The following NUBP1 variants were observed in gnomAD, a reference collection of about 807,000 sequenced individuals.
NUBP1 encodes cytosolic Fe-S cluster assembly factor NUBP1.
A neutral mutation model predicts 41.8 loss-of-function variants in NUBP1; 46 were observed. The observed-to-expected ratio is 1.10, with a 90% CI of 0.87 to 1.41. The LOEUF (loss-of-function observed/expected upper bound fraction) is 1.41. Ranked by LOEUF, NUBP1 falls within the 40% of genes most tolerant of loss-of-function variation. The pLI, the probability that NUBP1 is intolerant of heterozygous loss-of-function variation, is 0.00. For synonymous variants in NUBP1, 189 were observed against 154.6 expected, an observed-to-expected ratio of 1.22 and a Z score of -1.65; for missense variants, 494 against 414.0, an observed-to-expected ratio of 1.19 and a Z score of -1.68.
rs954229773 is a variant in NUBP1 at position 10,766,843 on chromosome 16, C to A, written c.821-1106C>A. ...AAACGAAAAGGATGAAGTAAAGTTA[C>A]AAAGTCATTTACGGCATACGTCCTA... is the stretch of plus-strand genomic sequence containing the variant. On this transcript the variant is annotated intron_variant, in intron 9 of 10. Coordinates refer to ENST00000283027, the MANE Select transcript of NUBP1 (RefSeq NM_002484.4). This position sits in a 1 kb window ranked among gnomAD's most constrained non-coding sequence, Gnocchi z 4.8. 7 of 397,954 alleles carry A rather than the reference C, an allele frequency of 1.8e-5. No homozygotes were observed. The highest frequency in any genetic ancestry group is 4.1e-5 in the African/African-American group (2 of 48,610). 24.7% of individuals were successfully genotyped at this position (397,954 alleles called of 1,614,324 possible).
chr16:10,756,833 C>T, intron 6 of NUBP1, 53 bp downstream of exon 6: 1 of 1,461,538 alleles, frequency 6.8e-7, no homozygotes, highest in South Asian at 1.3e-5. Context: ...AGCGTTGTGG[C>T]TCTTGGCTTT....
At position 10,743,971 on chromosome 16, in the gene NUBP1, G is replaced by C; in HGVS notation, c.30G>C (p.Gly10=). The C allele has an allele frequency of 6.3e-7, 1 of 1,584,748 alleles. No homozygotes were observed. The highest frequency in any genetic ancestry group is 8.5e-7 in the Non-Finnish European group (1 of 1,170,534). MEEVPHDCP[G]ADSAQAGRGA... ...CTTGTCTCTGCGCAGACTGTCCAGG[G>C]GCCGACAGCGCCCAGGCGGGCAGAG... is the stretch of plus-strand genomic sequence containing the variant. Residue 10 remains glycine, a synonymous_variant, in exon 2 of 11, where the codon GGG becomes GGC. Transcript: ENST00000283027.
At chr16:10,747,324 G>A (rs772969893) in intron 3 of NUBP1, 48 bp downstream of exon 3, 21 of 1,601,850 alleles carry the variant, frequency 1.3e-5, no homozygotes, top group Admixed American at 5.0e-5. Context: ...TCTGAGGGTC[G>A]TGATGGCTAC....
intron 2 of NUBP1, among the ~76,000 whole-genome samples, chr16:10,746,167 G>T (rs1027221754): frequency 1.3e-5 from 2 of 152,200 alleles, no homozygotes; most frequent in African/African-American, 4.8e-5. Context: ...AGTGTTGGGA[G>T]GTTTCCAGGC....
In NUBP1 at chr16:10,764,052, AGGAGCATCTCAGCCCACT is replaced by A. The variant is rs1355857188; in HGVS notation, c.820+2202_820+2219del. ...AGCCCATGGGAGCATCCCAGCCCAA[AGGAGCATCTCAGCCCACT>A]GGAGCATCCCAGCCCAAGGGAGTAT... On this transcript the variant is annotated intron_variant, in intron 9 of 10. Transcript: ENST00000283027. Among the ~76,000 whole-genome samples, 302 of 151,812 alleles carry A rather than the reference AGGAGCATCTCAGCCCACT, an allele frequency of 2.0e-3. 2 individuals are homozygous for A. Among genetic ancestry groups the A allele is most frequent in the African/African-American group, 6.9e-3 (286 of 41,310 alleles).
intron 2 of NUBP1, among the ~76,000 whole-genome samples, chr16:10,744,671 A>G (rs940845938): frequency 2.0e-5 from 3 of 152,222 alleles, no homozygotes; most frequent in Non-Finnish European, 2.9e-5. Flanking sequence ...GCTGTGAAGC[A>G]CAGATTCCAG....
intron 9 of NUBP1, among the ~76,000 whole-genome samples, chr16:10,762,992 G>A (rs2030235543): frequency 6.6e-6 from 1 of 152,104 alleles, no homozygotes; most frequent in Non-Finnish European, 1.5e-5. Context: ...GGTTCAGGAT[G>A]AGGCCCTGGG....
At position 10,743,994 on chromosome 16, in the gene NUBP1, G is replaced by A; in HGVS notation, c.53G>A (p.Arg18Lys). 6.3e-7 allele frequency: 1 copy of A among 1,583,458 alleles called. No homozygotes were observed. The highest frequency in any genetic ancestry group is 8.5e-7 in the Non-Finnish European group (1 of 1,170,294). ...CPGADSAQAG[R>K]GASCQGCPNQ... ...GGGGCCGACAGCGCCCAGGCGGGCA[G>A]AGGGGCTTCATGTCAGGGATGCCCC... Residue 18 changes from arginine to lysine, a missense_variant, in exon 2 of 11, where the codon AGA (arginine) becomes AAA (lysine). Arg to Lys is a conservative substitution (Grantham distance 26). Transcript: ENST00000283027.
rs1255000371 is a variant in NUBP1, at chr16:10,757,769, C to T, written c.452-104C>T. On this transcript the variant is annotated intron_variant, in intron 6 of 10. Transcript: ENST00000283027. The surrounding 1 kb of genome is among the most constrained non-coding windows in gnomAD (Gnocchi z 4.1). ...CTTGAGCCTCAGAGTTAAGAGCCAACCTGGGCAACATAGCAAGACCCCATC... is the reference window on the plus strand; with the variant it reads ...CTTGAGCCTCAGAGTTAAGAGCCAATCTGGGCAACATAGCAAGACCCCATC... 3.5e-6 allele frequency: 5 copies of T among 1,440,910 alleles called. No individual in the cohort carries two copies. In the Admixed American group the frequency reaches 7.8e-5, roughly 23 times the overall value. The allele number at this position is 1,440,910 out of a possible 1,614,324, so 89.3% of individuals were successfully genotyped here. A position where few individuals can be genotyped will look rare whatever the true frequency, so the allele number is the denominator to read the frequency against.
chr16:10,761,298 C>G (rs1190430807), intron 7 of NUBP1, 66 bp from the exon 8 acceptor site: 3 of 1,428,652 alleles, frequency 2.1e-6, no homozygotes, highest in Non-Finnish European at 2.9e-6. Flanking sequence ...GCCATCCCCT[C>G]GGTTGCACAG....
At position 10,767,251 on chromosome 16, in the gene NUBP1, C is replaced by T. The variant is rs2031022422; in HGVS notation, c.821-698C>T. On this transcript the variant is annotated intron_variant, in intron 9 of 10. Coordinates refer to ENST00000283027, the MANE Select transcript of NUBP1 (RefSeq NM_002484.4). The surrounding 1 kb of genome is among the most constrained non-coding windows in gnomAD (Gnocchi z 4.6). Reference sequence around the variant, plus strand: ...GAGAACACCCCCATTGACCCCTAGCCCCTTGTGTCCTGTCCACCTGGCTCT... The same window carrying T: ...GAGAACACCCCCATTGACCCCTAGCTCCTTGTGTCCTGTCCACCTGGCTCT... 2.5e-6 allele frequency: 1 copy of T among 399,448 alleles called. No individual in the cohort carries two copies. Among genetic ancestry groups the T allele is most frequent in the Non-Finnish European group, 4.4e-6 (1 of 226,734 alleles). The allele number at this position is 399,448 out of a possible 1,614,324, so 24.7% of individuals were successfully genotyped here.
intron 2 of NUBP1, among the ~76,000 whole-genome samples, chr16:10,745,995 T>G (rs1271094765): frequency 3.9e-5 from 6 of 152,206 alleles, no homozygotes; most frequent in African/African-American, 1.4e-4. Flanking sequence ...TTCAAAGATT[T>G]AGGGGCCAGC....
At chr16:10,754,202 T>C in intron 4 of NUBP1, among the ~76,000 whole-genome samples, 1 of 151,080 alleles carries the variant, frequency 6.6e-6, no homozygotes. Context: ...TAGGAATGAA[T>C]GGTTTTGTGG....
In NUBP1 at chr16:10,761,871, C is replaced by T; in HGVS notation, c.820+12C>T. 6.2e-7 allele frequency: 1 copy of T among 1,603,390 alleles called. No individual in the cohort carries two copies. Among genetic ancestry groups the T allele is most frequent in the South Asian group, 1.1e-5 (1 of 90,784 alleles). Reference sequence around the variant, plus strand: ...GGATCCGCTCATAGGTGGGTGACCCCAGTGTGGGGCGGCACCTCACTCCTC... The same window carrying T: ...GGATCCGCTCATAGGTGGGTGACCCTAGTGTGGGGCGGCACCTCACTCCTC... On this transcript the variant is annotated intron_variant, in intron 9 of 10. Coordinates refer to ENST00000283027, the MANE Select transcript of NUBP1 (RefSeq NM_002484.4).
In NUBP1 at chr16:10,768,183, ATC is replaced by A; in HGVS notation, c.904+156_904+157del. ...CGAGGAAGCCAGGAGTCCATGAGAA[ATC>A]TCTCAATGTGTGAGTATTGTGAATT... On this transcript the variant is annotated intron_variant, in intron 10 of 10. Transcript: ENST00000283027. This position sits in a 1 kb window ranked among gnomAD's most constrained non-coding sequence, Gnocchi z 4.3. The A allele has an allele frequency of 1.6e-6, 1 of 611,926 alleles. No individual in the cohort carries two copies. The highest frequency in any genetic ancestry group is 2.1e-5 in the South Asian group (1 of 48,084). The allele number at this position is 611,926 out of a possible 1,614,324, so 37.9% of individuals were successfully genotyped here.
rs1044209145 is a variant in NUBP1, at chr16:10,766,998, C to A, written c.821-951C>A. ...CCCACCAACCCCTCCCCACAGGCTT[C>A]TTCCCCGACTTGGACTTCCCTGTCC... On this transcript the variant is annotated intron_variant, in intron 9 of 10. Transcript: ENST00000283027. This position sits in a 1 kb window ranked among gnomAD's most constrained non-coding sequence, Gnocchi z 4.8. 2.5e-6 allele frequency: 1 copy of A among 398,778 alleles called. No individual in the cohort carries two copies. Among genetic ancestry groups the A allele is most frequent in the Non-Finnish European group, 4.4e-6 (1 of 226,168 alleles). The allele number at this position is 398,778 out of a possible 1,614,324, so 24.7% of individuals were successfully genotyped here. A position where few individuals can be genotyped will look rare whatever the true frequency, so the allele number is the denominator to read the frequency against.
intron 5 of NUBP1, among the ~76,000 whole-genome samples, 192 bp from the exon 6 acceptor site, chr16:10,756,498 C>T (rs1322010139): frequency 6.6e-6 from 1 of 151,750 alleles, no homozygotes; most frequent in Non-Finnish European, 1.5e-5. Context: ...TTCAAATCCC[C>T]CAACATGGTA....
At chr16:10,750,795 T>G (rs907704612) in intron 3 of NUBP1, among the ~76,000 whole-genome samples, 1 of 152,156 alleles carries the variant, frequency 6.6e-6, no homozygotes, top group Non-Finnish European at 1.5e-5. Flanking sequence ...CCTACCCTCC[T>G]CATCAGGGGC....
intron 2 of NUBP1, among the ~76,000 whole-genome samples, chr16:10,744,347 CATTA>C (rs1406246881): frequency 2.0e-5 from 3 of 152,102 alleles, no homozygotes; most frequent in Non-Finnish European, 4.4e-5. Context: ...TCGAAAGGGA[CATTA>C]ATTAAGAGGG....
Sources: allele counts gnomAD v4.1 joint callset (sites outside exome capture counted in the v4.1 genomes callset), GRCh38; gene constraint gnomAD v4.1.1; non-coding constraint Gnocchi (gnomAD v3.1); transcripts MANE v1.5; gene names NCBI Gene and HGNC (gene_info 2026-07-23, HGNC 2026-07-21).